Variants in DLGAP1 observed in about 807,000 individuals in gnomAD.
The protein encoded by DLGAP1 is disks large-associated protein 1.
In DLGAP1, 11 loss-of-function variants were observed where a neutral mutation model predicts 90.8. The observed-to-expected ratio is 0.12, with a 90% CI of 0.08 to 0.20. The LOEUF is 0.20. Ranked by LOEUF, DLGAP1 falls within the 10% of genes least tolerant of loss-of-function variation. The pLI is 1.00. For synonymous variants in DLGAP1, 558 were observed against 540.7 expected (o/e 1.03, Z -0.44); for missense variants, 1,050 against 1,333.8 (o/e 0.79, Z 3.31).
intron 3 of DLGAP1, among the ~76,000 whole-genome samples, chr18:3,979,357 T>G (rs1034301493): frequency 6.6e-6 from 1 of 152,186 alleles, no homozygotes; most frequent in African/African-American, 2.4e-5. Context: ...CTATACCATA[T>G]AGTCTAGTTG....
At chr18:4,120,877 G>A (rs548765511) in intron 2 of DLGAP1, among the ~76,000 whole-genome samples, 11 of 151,894 alleles carry the variant, frequency 7.2e-5, no homozygotes, top group Admixed American at 5.9e-4. Flanking sequence ...TAGGCACTTC[G>A]TTACTAGGCT....
At chr18:3,684,880 C>T (rs1454997235) in intron 7 of DLGAP1, among the ~76,000 whole-genome samples, 1 of 152,196 alleles carries the variant, frequency 6.6e-6, no homozygotes, top group African/African-American at 2.4e-5. Flanking sequence ...AGTTTAGTAA[C>T]TTATTTGATA....
At chr18:3,851,513 G>T (rs995324227) in intron 4 of DLGAP1, among the ~76,000 whole-genome samples, 2 of 152,040 alleles carry the variant, frequency 1.3e-5, no homozygotes, top group African/African-American at 4.8e-5. Context: ...TCCCTCTACA[G>T]GAACATTCTT....
At chr18:4,166,653 C>G (rs2076938046) in intron 1 of DLGAP1, among the ~76,000 whole-genome samples, 1 of 152,192 alleles carries the variant, frequency 6.6e-6, no homozygotes, top group African/African-American at 2.4e-5. Context: ...AAACACCATC[C>G]ACGTGTTCAT....
chr18:3,848,127 CAAAAAAAAAAAA>C (rs3862177), intron 4 of DLGAP1, among the ~76,000 whole-genome samples: 344 of 32,082 alleles, frequency 0.011, 4 homozygotes, highest in African/African-American at 0.056. Flanking sequence ...GGCCCCGTCT[CAAAAAAAAAAAA>C]AAAAAAAAAA....
intron 4 of DLGAP1, among the ~76,000 whole-genome samples, chr18:3,861,233 G>C (rs372983114): frequency 1.3e-5 from 2 of 152,060 alleles, no homozygotes; most frequent in Non-Finnish European, 2.9e-5. Flanking sequence ...TTCCAATAGA[G>C]GATCTGTTCA....
intron 1 of DLGAP1, among the ~76,000 whole-genome samples, chr18:4,438,051 T>G (rs2083445688): frequency 6.6e-6 from 1 of 152,102 alleles, no homozygotes; most frequent in Non-Finnish European, 1.5e-5. Flanking sequence ...TAGGGCTAAT[T>G]TTGTCATCAA....
chr18:3,781,518 A>AT lies in DLGAP1; in HGVS notation c.1172+32540dup, dbSNP rs543585394. The stretch of plus-strand genomic sequence containing the variant: ...CAGGCACCTGCCACCATGCCGGCTA[A>AT]TTTTTTTTGTATTTTTAATAGAGAT... On this transcript the variant is annotated intron_variant, in intron 5 of 12. Coordinates refer to ENST00000315677, the MANE Select transcript of DLGAP1 (RefSeq NM_004746.4). Among the ~76,000 whole-genome samples, 14 of 151,602 alleles carry AT rather than the reference A, an allele frequency of 9.2e-5. No homozygotes were observed. The South Asian group carries it at 2.9e-3, about 32-fold the overall frequency.
intron 1 of DLGAP1, among the ~76,000 whole-genome samples, chr18:4,232,590 G>A (rs1404483884): frequency 1.3e-5 from 2 of 152,132 alleles, no homozygotes; most frequent in African/African-American, 4.8e-5. Context: ...AGAAAGAAGT[G>A]CAAGAGCCTA....
intron 9 of DLGAP1, among the ~76,000 whole-genome samples, chr18:3,549,148 A>T (rs1236121322): frequency 1.3e-5 from 2 of 152,236 alleles, no homozygotes; most frequent in African/African-American, 4.8e-5. Context: ...AAGGCTGGTT[A>T]TGAAAAATAG....
At chr18:3,633,401 C>CAAAAAA (rs60320308) in intron 7 of DLGAP1, among the ~76,000 whole-genome samples, 1 of 62,002 alleles carries the variant, frequency 1.6e-5, no homozygotes, top group Non-Finnish European at 3.6e-5. Context: ...GACTTCATCT[C>CAAAAAA]AAAAAAAAAA....
rs568792285 is a variant in DLGAP1, at chr18:3,617,852, T to C, written c.1592-35604A>G. Reference sequence around the variant, plus strand: ...GAGATCGAGACCAGCCTGGGCAACATGGTGAAACCCCATCACTACTAAAAA... The same window carrying C: ...GAGATCGAGACCAGCCTGGGCAACACGGTGAAACCCCATCACTACTAAAAA... On this transcript the variant is annotated intron_variant, in intron 7 of 12. Coordinates refer to ENST00000315677, the MANE Select transcript of DLGAP1 (RefSeq NM_004746.4). 5.3e-5 allele frequency among the ~76,000 whole-genome samples: 8 copies of C among 151,808 alleles called. 1 individual carries two copies. Among genetic ancestry groups the C allele is most frequent in the African/African-American group, 1.4e-4 (6 of 41,398 alleles).
intron 7 of DLGAP1, among the ~76,000 whole-genome samples, chr18:3,690,138 G>C (rs571959400): frequency 4.7e-4 from 57 of 122,456 alleles, no homozygotes; most frequent in African/African-American, 1.7e-3. Context: ...TCACTCTGTT[G>C]CCCTCTGGTG....
chr18:4,119,878 T>A (rs2076125729), intron 2 of DLGAP1, among the ~76,000 whole-genome samples: 1 of 152,194 alleles, frequency 6.6e-6, no homozygotes, highest in Non-Finnish European at 1.5e-5. Flanking sequence ...ACATAAATAT[T>A]CTCACTGGCA....
intron 3 of DLGAP1, among the ~76,000 whole-genome samples, chr18:3,890,916 G>A (rs1238144738): frequency 6.6e-6 from 1 of 152,184 alleles, no homozygotes; most frequent in Non-Finnish European, 1.5e-5. Context: ...AGTTTTGGCA[G>A]ATAAGAGTGT....
chr18:3,716,306 T>C (rs1598437694), intron 7 of DLGAP1, among the ~76,000 whole-genome samples: 1 of 152,222 alleles, frequency 6.6e-6, no homozygotes, highest in Admixed American at 6.5e-5. Flanking sequence ...CCCAGCATTT[T>C]GGGAGGCTAA....
intron 1 of DLGAP1, among the ~76,000 whole-genome samples, chr18:4,413,889 G>C (rs1198768934): frequency 6.6e-6 from 1 of 152,124 alleles, no homozygotes; most frequent in Non-Finnish European, 1.5e-5. Flanking sequence ...TATACTTCAA[G>C]AAAACGGTTT....
chr18:3,814,039 G>A lies in DLGAP1; in HGVS notation c.1172+20C>T. ...TACAAGCACCTGGACTATCGCAAGT[G>A]CAGGGTTAGGACTACTCACTTGAGT... On this transcript the variant is annotated intron_variant, in intron 5 of 12. Transcript: ENST00000315677. The A allele has an allele frequency of 6.2e-7, 1 of 1,610,720 alleles. No individual in the cohort carries two copies. The highest frequency in any genetic ancestry group is 8.5e-7 in the Non-Finnish European group (1 of 1,177,284).
chr18:3,632,029 C>G (rs1016777537), intron 7 of DLGAP1, among the ~76,000 whole-genome samples: 1 of 152,162 alleles, frequency 6.6e-6, no homozygotes, highest in African/African-American at 2.4e-5. Context: ...CCCACCTCGG[C>G]TTCCCCAAGA....
Sources: gnomAD v4.1 joint callset for allele counts (sites outside exome capture counted in the v4.1 genomes callset) on GRCh38, gnomAD v4.1.1 for gene constraint, MANE v1.5 for transcripts, NCBI Gene and HGNC (gene_info 2026-07-23, HGNC 2026-07-21) for gene names.